GPR158: variants seen among roughly 807,000 people sequenced by gnomAD.
GPR158 encodes metabotropic glycine receptor.
Under a neutral mutation model 78.2 loss-of-function variants are expected in GPR158, and 30 were observed. The ratio of observed to expected loss-of-function variants is 0.38; its 90% CI spans 0.29 to 0.52. The LOEUF (loss-of-function observed/expected upper bound fraction) is 0.52, where lower values mean the gene tolerates loss of function less well. Among genes scored for constraint, GPR158 ranks in the 20% least tolerant of loss-of-function variants. The pLI, the probability that GPR158 is intolerant of heterozygous loss-of-function variation, is 0.83. For missense variants in GPR158, 1,463 were observed against 1,523.5 expected (o/e 0.96, Z 0.66); for synonymous variants, 581 against 591.1 (o/e 0.98, Z 0.25).
intron 2 of GPR158, among the ~76,000 whole-genome samples, chr10:25,336,286 GA>G (rs1488308003): frequency 2.0e-5 from 3 of 151,856 alleles, no homozygotes; most frequent in African/African-American, 4.8e-5. Context: ...ATACATAATA[GA>G]AAAAAAGACT....
rs911599189 is a variant in GPR158, at chr10:25,434,895, G to A, written c.1335+22422G>A. Among the ~76,000 whole-genome samples the A allele has an allele frequency of 2.2e-4, 33 of 152,310 alleles. 1 individual carries two copies. Among genetic ancestry groups the A allele is most frequent in the Middle Eastern group, 3.4e-3 (1 of 294 alleles). On this transcript the variant is annotated intron_variant, in intron 4 of 10. Transcript: ENST00000376351. ...CTTGAAAAAGGAATTTCATTCATCA[G>A]ACTAATAGAAGATAAGAGGGACAGT... is the stretch of plus-strand genomic sequence containing the variant.
intron 5 of GPR158, among the ~76,000 whole-genome samples, chr10:25,520,632 C>T (rs1413006608): frequency 3.3e-5 from 5 of 151,092 alleles, no homozygotes; most frequent in East Asian, 2.0e-4. Flanking sequence ...AATACCCTGC[C>T]GTGTGAGGTG....
At chr10:25,415,144 A>T (rs1834642847) in intron 4 of GPR158, among the ~76,000 whole-genome samples, 1 of 152,132 alleles carries the variant, frequency 6.6e-6, no homozygotes, top group East Asian at 1.9e-4. Context: ...AGATATGACA[A>T]CAGAAGCATA....
chr10:25,308,575 A>G (rs527771185), intron 2 of GPR158, among the ~76,000 whole-genome samples: 2 of 152,246 alleles, frequency 1.3e-5, no homozygotes, highest in East Asian at 3.9e-4. Flanking sequence ...AAAATTTGCC[A>G]TCTTAACAGT....
chr10:25,196,788 T>C (rs1852850736), intron 1 of GPR158, among the ~76,000 whole-genome samples: 1 of 152,212 alleles, frequency 6.6e-6, no homozygotes, highest in Non-Finnish European at 1.5e-5. Context: ...TGGGAAAAAA[T>C]GCCATCACTG....
At chr10:25,379,161 A>T (rs1182302056) in intron 2 of GPR158, among the ~76,000 whole-genome samples, 1 of 152,128 alleles carries the variant, frequency 6.6e-6, no homozygotes, top group African/African-American at 2.4e-5. Flanking sequence ...TATTACTATT[A>T]CCATCTTCTA....
intron 2 of GPR158, among the ~76,000 whole-genome samples, chr10:25,257,629 C>A (rs1256454665): frequency 2.0e-5 from 3 of 152,168 alleles, no homozygotes; most frequent in Non-Finnish European, 4.4e-5. Flanking sequence ...AAAATAATTT[C>A]TCAAAGCTTG....
At chr10:25,284,438 A>G (rs1854318732) in intron 2 of GPR158, among the ~76,000 whole-genome samples, 1 of 151,750 alleles carries the variant, frequency 6.6e-6, no homozygotes, top group Admixed American at 6.6e-5. Flanking sequence ...TAATATGCCT[A>G]TTCTAGTTTT....
chr10:25,579,815 T>TTTTAC (rs1159623856), intron 7 of GPR158, among the ~76,000 whole-genome samples: 4 of 150,896 alleles, frequency 2.7e-5, no homozygotes, highest in Non-Finnish European at 5.9e-5. Context: ...AATAAATCTA[T>TTTTAC]TTTACTGCCC....
intron 7 of GPR158, among the ~76,000 whole-genome samples, chr10:25,575,992 T>C (rs1166506839): frequency 1.7e-5 from 2 of 116,404 alleles, no homozygotes; most frequent in African/African-American, 8.9e-5. Context: ...ATATGAACTT[T>C]CTGTTATCTA....
intron 1 of GPR158, among the ~76,000 whole-genome samples, chr10:25,182,073 A>G (rs1852617607): frequency 1.3e-5 from 2 of 152,220 alleles, no homozygotes; most frequent in Non-Finnish European, 2.9e-5. Flanking sequence ...AAATCAGTTA[A>G]TGAATGCTAT....
intron 2 of GPR158, among the ~76,000 whole-genome samples, chr10:25,375,578 GTTTTC>G (rs1318299387): frequency 2.0e-5 from 3 of 151,130 alleles, no homozygotes; most frequent in East Asian, 3.9e-4. Flanking sequence ...TCAGTTTTTT[GTTTTC>G]TTTTGTTTTG....
intron 1 of GPR158, among the ~76,000 whole-genome samples, chr10:25,181,248 A>C (rs1013954884): frequency 6.6e-6 from 1 of 152,190 alleles, no homozygotes; most frequent in Admixed American, 6.5e-5. Context: ...GAGGCTTTTA[A>C]GTCTCAGTTA....
At chr10:25,457,340 G>T (rs1246899429) in intron 4 of GPR158, among the ~76,000 whole-genome samples, 1 of 151,694 alleles carries the variant, frequency 6.6e-6, no homozygotes, top group Non-Finnish European at 1.5e-5. Context: ...AAATGCCATT[G>T]CTTGTTTCCA....
intron 1 of GPR158, among the ~76,000 whole-genome samples, chr10:25,177,166 C>G (rs1852548796): frequency 6.6e-6 from 1 of 152,236 alleles, no homozygotes; most frequent in Non-Finnish European, 1.5e-5. Context: ...GGAGTCTGTA[C>G]TTCCTGTCTC....
intron 2 of GPR158, among the ~76,000 whole-genome samples, chr10:25,315,922 A>G (rs1275917212): frequency 2.6e-5 from 4 of 152,128 alleles, no homozygotes; most frequent in African/African-American, 9.6e-5. Flanking sequence ...AGAAGGGCTC[A>G]TGGTGGACTG....
intron 2 of GPR158, among the ~76,000 whole-genome samples, chr10:25,291,840 G>C (rs1588779067): frequency 6.8e-6 from 1 of 148,104 alleles, no homozygotes; most frequent in Non-Finnish European, 1.5e-5. Flanking sequence ...ATATGAAGAT[G>C]ATATAGTTAA....
chr10:25,545,972 G>A (rs1836657124), intron 5 of GPR158, among the ~76,000 whole-genome samples: 1 of 152,122 alleles, frequency 6.6e-6, no homozygotes, highest in South Asian at 2.1e-4. Flanking sequence ...GCTGATGAGT[G>A]CAACAAAGGA....
intron 2 of GPR158, among the ~76,000 whole-genome samples, chr10:25,286,536 AATAGTT>A (rs1854353551): frequency 6.6e-6 from 1 of 152,006 alleles, no homozygotes; most frequent in African/African-American, 2.4e-5. Flanking sequence ...CAGTCTCTCT[AATAGTT>A]ATTATGTGTG....
Sources: gnomAD v4.1 joint callset for allele counts (sites outside exome capture counted in the v4.1 genomes callset) on GRCh38, gnomAD v4.1.1 for gene constraint, MANE v1.5 for transcripts, NCBI Gene and HGNC (gene_info 2026-07-23, HGNC 2026-07-21) for gene names.